Variants in ERICH3 observed in about 807,000 individuals in gnomAD.
ERICH3 encodes the protein glutamate rich 3, also known as glutamate-rich protein 3.
A neutral mutation model predicts 131.1 loss-of-function variants in ERICH3; 126 were observed. The ratio of observed to expected loss-of-function variants is 0.96; its 90% CI spans 0.83 to 1.11. ERICH3 has a LOEUF of 1.11. Ranked by LOEUF, ERICH3 falls within the 50% of genes most tolerant of loss-of-function variation. ERICH3 has a pLI of 0.00. For missense variants in ERICH3, 2,050 were observed against 1,810.7 expected, an observed-to-expected ratio of 1.13 and a Z score of -2.40; for synonymous variants, 695 against 644.6, an observed-to-expected ratio of 1.08 and a Z score of -1.18.
intron 9 of ERICH3, among the ~76,000 whole-genome samples, chr1:74,612,054 A>G (rs753685441): frequency 3.3e-5 from 5 of 152,212 alleles, no homozygotes; most frequent in Non-Finnish European, 7.3e-5. Flanking sequence ...CTGATTTCAA[A>G]CAGAATGTTC....
intron 7 of ERICH3, among the ~76,000 whole-genome samples, chr1:74,628,364 A>G (rs1459145885): frequency 6.6e-6 from 1 of 152,188 alleles, no homozygotes; most frequent in African/African-American, 2.4e-5. Context: ...GAGGTTGCTC[A>G]CGGGTGGACG....
rs191750256 is a variant in ERICH3, at chr1:74,576,955, A to G, written c.2177-19T>C. 6.3e-7 allele frequency: 1 copy of G among 1,583,620 alleles called. No individual in the cohort carries two copies. Among genetic ancestry groups the G allele is most frequent in the South Asian group, 1.2e-5 (1 of 86,398 alleles). ...TCCTTTCCTAGTTAAAAAAAAAAAA[A>G]AGAAAAAAAAGGTCAAATGAATCAC... is the stretch of plus-strand genomic sequence containing the variant. On this transcript the variant is annotated intron_variant, in intron 12 of 14. Coordinates refer to ENST00000326665, the MANE Select transcript of ERICH3 (RefSeq NM_001002912.5).
intron 1 of ERICH3, among the ~76,000 whole-genome samples, chr1:74,653,799 C>T (rs1004524406): frequency 6.6e-6 from 1 of 152,080 alleles, no homozygotes; most frequent in Non-Finnish European, 1.5e-5. Context: ...CCCTGTAACT[C>T]TACCCTCATC....
At position 74,571,407 on chromosome 1, in the gene ERICH3, C is replaced by T. The variant is rs187067278; in HGVS notation, c.4303G>A (p.Gly1435Arg). 295 of 1,614,014 alleles carry T rather than the reference C, an allele frequency of 1.8e-4. 1 individual carries two copies. The East Asian group carries it at 5.8e-3, about 32-fold the overall frequency. The change falls in exon 14 of 15, where the codon GGA becomes AGA. Residue 1435 changes from glycine (G) to arginine (R), a missense_variant. Physicochemically the swap from Gly to Arg is moderately radical, Grantham distance 125. Coordinates refer to ENST00000326665, the MANE Select transcript of ERICH3 (RefSeq NM_001002912.5). ...CCTGAGGTCTTCCGCTCCAGGGCTCCTGGAGTGCCCACCCCAGCCTCTGTT... is the reference window on the plus strand; with the variant it reads ...CCTGAGGTCTTCCGCTCCAGGGCTCTTGGAGTGCCCACCCCAGCCTCTGTT... ...YTTEAGVGTP[G>R]ALERKTSGLG...
chr1:74,619,204 C>T (rs1649108787), intron 8 of ERICH3, among the ~76,000 whole-genome samples: 2 of 152,184 alleles, frequency 1.3e-5, no homozygotes, highest in Admixed American at 1.3e-4. Context: ...CACCCTTTTT[C>T]CCATAACCTT....
rs1646380429 is a variant in ERICH3 at position 74,635,482 on chromosome 1, T to TA, written c.603+797dup. The stretch of plus-strand genomic sequence containing the variant: ...GTCAAGGTTATCTGTCAATTAAAAA[T>TA]AAAAATATCTTAATTTCATATATCT... On this transcript the variant is annotated intron_variant, in intron 6 of 14. Transcript: ENST00000326665. Among the ~76,000 whole-genome samples, 2 of 152,158 alleles carry TA rather than the reference T, an allele frequency of 1.3e-5. 1 individual carries two copies. The highest frequency in any genetic ancestry group is 4.1e-4 in the South Asian group (2 of 4,832).
intron 12 of ERICH3, among the ~76,000 whole-genome samples, chr1:74,580,500 G>A (rs933794403): frequency 2.0e-5 from 3 of 152,114 alleles, no homozygotes; most frequent in East Asian, 1.9e-4. Flanking sequence ...ATTTCTAAAT[G>A]TTCTTTTAAA....
intron 7 of ERICH3, among the ~76,000 whole-genome samples, chr1:74,629,409 G>A (rs1649520277): frequency 6.6e-6 from 1 of 152,024 alleles, no homozygotes; most frequent in Non-Finnish European, 1.5e-5. Context: ...AAGTCAGACT[G>A]AAGCCCTGTG....
chr1:74,605,877 C>T (rs1007457580), intron 10 of ERICH3, among the ~76,000 whole-genome samples: 10 of 151,764 alleles, frequency 6.6e-5, no homozygotes, highest in African/African-American at 2.4e-4. Flanking sequence ...GACTTTGGTG[C>T]AGGGTTGCCA....
At chr1:74,619,321 G>A (rs1426485218) in intron 8 of ERICH3, among the ~76,000 whole-genome samples, 2 of 152,104 alleles carry the variant, frequency 1.3e-5, no homozygotes, top group South Asian at 2.1e-4. Context: ...GCAAATAGAT[G>A]TTTTATATGC....
rs1009742005 is a variant in ERICH3, at chr1:74,589,490, A to C, written c.2176+141T>G. On this transcript the variant is annotated intron_variant, in intron 12 of 14. Transcript: ENST00000326665. Reference sequence around the variant, plus strand: ...CTGAAAATACATGTATGATTATGTGACAAAGAGAGACACAGCAAAAAATCT... The same window carrying C: ...CTGAAAATACATGTATGATTATGTGCCAAAGAGAGACACAGCAAAAAATCT... The C allele has an allele frequency of 5.0e-6, 4 of 794,448 alleles. No individual in the cohort carries two copies. In the African/African-American group the frequency reaches 6.9e-5, roughly 14 times the overall value. The allele number at this position is 794,448 out of a possible 1,614,324, so 49.2% of individuals were successfully genotyped here.
chr1:74,600,789 T>C (rs1648094182), intron 10 of ERICH3, among the ~76,000 whole-genome samples: 1 of 151,798 alleles, frequency 6.6e-6, no homozygotes, highest in Admixed American at 6.6e-5. Flanking sequence ...AGCAAAAGGA[T>C]CTCATGCAGA....
intron 1 of ERICH3, among the ~76,000 whole-genome samples, chr1:74,670,740 A>C (rs1035495094): frequency 2.6e-5 from 4 of 152,206 alleles, no homozygotes; most frequent in Admixed American, 1.3e-4. Flanking sequence ...ATTTTTAGGG[A>C]ACAAGGGAAG....
rs574927184 is a variant in ERICH3, at chr1:74,652,019, C to A, written c.24-2704G>T. Reference sequence around the variant, plus strand: ...GAAACCTTTTTACACATCATCTTTTCCTATTTAGGAATAAATGTGGGTTCT... The same window carrying A: ...GAAACCTTTTTACACATCATCTTTTACTATTTAGGAATAAATGTGGGTTCT... On this transcript the variant is annotated intron_variant, in intron 1 of 14. Transcript: ENST00000326665. Among the ~76,000 whole-genome samples, 6 of 152,248 alleles carry A rather than the reference C, an allele frequency of 3.9e-5. No homozygotes were observed. The East Asian group carries it at 1.2e-3, about 29-fold the overall frequency.
intron 6 of ERICH3, among the ~76,000 whole-genome samples, chr1:74,632,728 G>T (rs1646352243): frequency 6.6e-6 from 1 of 151,810 alleles, no homozygotes; most frequent in Admixed American, 6.6e-5. Context: ...AAATAAAAAG[G>T]TTCATATGGT....
intron 12 of ERICH3, among the ~76,000 whole-genome samples, chr1:74,587,324 CAA>C (rs11330631): frequency 0.081 from 4,520 of 55,914 alleles, 60 homozygotes; most frequent in South Asian, 0.19. Context: ...GACTCCATCT[CAA>C]AAAAAAAAAA....
At chr1:74,600,274 G>T (rs1648067211) in intron 10 of ERICH3, among the ~76,000 whole-genome samples, 1 of 151,772 alleles carries the variant, frequency 6.6e-6, no homozygotes, top group Non-Finnish European at 1.5e-5. Context: ...AAAATGAAGA[G>T]AACAGGATTA....
chr1:74,573,216 G>A lies in ERICH3; in HGVS notation c.2494C>T (p.Pro832Ser), dbSNP rs781275566. The change falls in exon 14 of 15, where the codon CCT becomes TCT. Residue 832 changes from proline to serine, a missense_variant. By Grantham distance (74) the Pro-to-Ser change is moderately conservative. Coordinates refer to ENST00000326665, the MANE Select transcript of ERICH3 (RefSeq NM_001002912.5). ...TCTGCCCCCCTTTCTATGCCTGGAGGGATCTCCCTTTTTTCTGTAAACTCT... is the reference window on the plus strand; with the variant it reads ...TCTGCCCCCCTTTCTATGCCTGGAGAGATCTCCCTTTTTTCTGTAAACTCT... ...AEEFTEKREI[P>S]PGIERGAEGA... The A allele has an allele frequency of 6.2e-7, 1 of 1,612,374 alleles. No homozygotes were observed. Among genetic ancestry groups the A allele is most frequent in the East Asian group, 2.2e-5 (1 of 44,864 alleles).
At chr1:74,664,482 A>C (rs1437160305) in intron 1 of ERICH3, among the ~76,000 whole-genome samples, 1 of 152,188 alleles carries the variant, frequency 6.6e-6, no homozygotes, top group South Asian at 2.1e-4. Flanking sequence ...TATGAGAGCC[A>C]AATAATATTC....
Sources: gnomAD v4.1 joint callset for allele counts (sites outside exome capture counted in the v4.1 genomes callset) on GRCh38, gnomAD v4.1.1 for gene constraint, MANE v1.5 for transcripts, NCBI Gene and HGNC (gene_info 2026-07-23, HGNC 2026-07-21) for gene names.